IL33: variants seen among roughly 807,000 people sequenced by gnomAD.
The protein encoded by IL33 is interleukin-33.
In IL33, 37 loss-of-function variants were observed where a neutral mutation model predicts 27.3. The observed-to-expected ratio is 1.36, with a 90% CI of 1.04 to 1.78. The LOEUF is 1.78. IL33 is among the 40% of genes most tolerant of loss of function. IL33 has a pLI of 0.00. For synonymous variants in IL33, 132 were observed against 102.9 expected (o/e 1.28, Z -1.71); for missense variants, 406 against 311.4 (o/e 1.30, Z -2.29).
At chr9:6,221,377 G>A (rs1038905500) in intron 1 of IL33, among the ~76,000 whole-genome samples, 19 of 152,100 alleles carry the variant, frequency 1.2e-4, no homozygotes, top group South Asian at 4.1e-4. Context: ...GGAGGATACC[G>A]TGCCTAGGAC....
At chr9:6,219,259 G>C (rs888569936) in intron 1 of IL33, among the ~76,000 whole-genome samples, 1 of 151,916 alleles carries the variant, frequency 6.6e-6, no homozygotes, top group South Asian at 2.1e-4. Flanking sequence ...TAATCTCTTC[G>C]GTTTCCTGTA....
At chr9:6,225,843 C>G (rs972857907) in intron 1 of IL33, among the ~76,000 whole-genome samples, 2 of 152,114 alleles carry the variant, frequency 1.3e-5, no homozygotes, top group African/African-American at 2.4e-5. Flanking sequence ...CTACCTCATC[C>G]ACCTGAGTAA....
intron 1 of IL33, among the ~76,000 whole-genome samples, chr9:6,219,427 T>C (rs990842106): frequency 6.6e-6 from 1 of 152,150 alleles, no homozygotes; most frequent in South Asian, 2.1e-4. Context: ...TCCTGGCACA[T>C]GCTGCTCATG....
intron 1 of IL33, among the ~76,000 whole-genome samples, chr9:6,235,924 A>T (rs1819173568): frequency 6.6e-6 from 1 of 151,986 alleles, no homozygotes; most frequent in African/African-American, 2.4e-5. Context: ...GTACCCTCTG[A>T]TCCAGCAATT....
chr9:6,216,541 C>T (rs1217307595), intron 1 of IL33, among the ~76,000 whole-genome samples: 1 of 152,070 alleles, frequency 6.6e-6, no homozygotes, highest in Non-Finnish European at 1.5e-5. Flanking sequence ...TTGCAGCCAG[C>T]CTGGCCAAGA....
At chr9:6,232,235 T>G (rs1265247213) in intron 1 of IL33, among the ~76,000 whole-genome samples, 4 of 152,180 alleles carry the variant, frequency 2.6e-5, no homozygotes, top group Admixed American at 6.5e-5. Context: ...ACATAGTCCT[T>G]GGCATGCAAA....
chr9:6,224,511 T>C (rs964034624), intron 1 of IL33, among the ~76,000 whole-genome samples: 1 of 152,200 alleles, frequency 6.6e-6, no homozygotes, highest in African/African-American at 2.4e-5. Flanking sequence ...AGAACTATTC[T>C]TGTTAGCATT....
At chr9:6,229,497 G>A (rs538369731) in intron 1 of IL33, among the ~76,000 whole-genome samples, 6 of 152,304 alleles carry the variant, frequency 3.9e-5, no homozygotes, top group South Asian at 2.1e-4. Flanking sequence ...GAAGACGTGC[G>A]TTCTATTAGA....
chr9:6,256,165 T>G lies in IL33; in HGVS notation c.810T>G (p.Thr270=). The change falls in exon 8 of 8, where the codon ACT becomes ACG. Residue 270 remains threonine (T), a synonymous_variant. Coordinates refer to ENST00000682010, the MANE Select transcript of IL33 (RefSeq NM_033439.4). ...TENILFKLSE[T] is the part of the protein sequence containing the mutation. ...ATATCTTGTTTAAGCTCTCTGAAAC[T>G]TAGTTGATGGAAACCTGTGAGTCTT... 6.2e-7 allele frequency: 1 copy of G among 1,611,428 alleles called. No homozygotes were observed. Among genetic ancestry groups the G allele is most frequent in the Non-Finnish European group, 8.5e-7 (1 of 1,177,978 alleles).
At chr9:6,236,652 G>A (rs1378731336) in intron 1 of IL33, among the ~76,000 whole-genome samples, 1 of 152,198 alleles carries the variant, frequency 6.6e-6, no homozygotes, top group Non-Finnish European at 1.5e-5. Context: ...AGGATCACTT[G>A]CGGTCAGGAG....
At chr9:6,229,090 C>G (rs1423878737) in intron 1 of IL33, among the ~76,000 whole-genome samples, 3 of 151,862 alleles carry the variant, frequency 2.0e-5, no homozygotes, top group Non-Finnish European at 4.4e-5. Context: ...AGAAGGGGCC[C>G]TGGGAGAAGG....
At chr9:6,241,631 C>T (rs531846427) in intron 1 of IL33, 53 bp from the exon 2 acceptor site, 111 of 1,071,414 alleles carry the variant, frequency 1.0e-4, no homozygotes, top group Non-Finnish European at 1.4e-4. Flanking sequence ...CAGTTGTTTC[C>T]GTTTGTTTTT....
At position 6,256,491 on chromosome 9, in the gene IL33, C is replaced by A; in HGVS notation, c.*323C>A. On this transcript the variant is annotated 3_prime_UTR_variant, in exon 8 of 8. Coordinates refer to ENST00000682010, the MANE Select transcript of IL33 (RefSeq NM_033439.4). ...TCCAGAAAGAACTTCATATTTAGAG[C>A]TAAGGCCACTGAGGAAAGAGCCATA... 2.4e-6 allele frequency: 1 copy of A among 411,024 alleles called. No individual in the cohort carries two copies. The highest frequency in any genetic ancestry group is 4.3e-6 in the Non-Finnish European group (1 of 232,594). 25.5% of individuals were successfully genotyped at this position (411,024 alleles called of 1,614,324 possible). A position where few individuals can be genotyped will look rare whatever the true frequency, so the allele number is the denominator to read the frequency against.
intron 1 of IL33, among the ~76,000 whole-genome samples, chr9:6,240,085 T>G (rs1819443214): frequency 6.6e-6 from 1 of 152,198 alleles, no homozygotes; most frequent in African/African-American, 2.4e-5. Context: ...TCTCAGAACT[T>G]CAGTACCAGT....
At chr9:6,239,203 A>T (rs1185337133) in intron 1 of IL33, among the ~76,000 whole-genome samples, 1 of 152,138 alleles carries the variant, frequency 6.6e-6, no homozygotes, top group Non-Finnish European at 1.5e-5. Flanking sequence ...CAAATTTCAA[A>T]TTTCATATAC....
At chr9:6,225,369 G>C (rs1339847748) in intron 1 of IL33, among the ~76,000 whole-genome samples, 2 of 152,170 alleles carry the variant, frequency 1.3e-5, no homozygotes, top group African/African-American at 2.4e-5. Context: ...AATGGCAGCA[G>C]GATAGAGGGA....
At chr9:6,235,040 T>A (rs920224888) in intron 1 of IL33, among the ~76,000 whole-genome samples, 1 of 152,200 alleles carries the variant, frequency 6.6e-6, no homozygotes, top group African/African-American at 2.4e-5. Flanking sequence ...TTTTTCACTA[T>A]CTTTATTTTT....
intron 2 of IL33, among the ~76,000 whole-genome samples, chr9:6,248,769 C>T (rs915893393): frequency 8.6e-5 from 13 of 151,426 alleles, no homozygotes; most frequent in African/African-American, 2.2e-4. Flanking sequence ...TTTGTAGAGA[C>T]GGTCTTACTG....
chr9:6,228,062 A>G (rs567131261), intron 1 of IL33, among the ~76,000 whole-genome samples: 5 of 152,356 alleles, frequency 3.3e-5, no homozygotes, highest in South Asian at 2.1e-4. Flanking sequence ...TGCTACCCTA[A>G]CAAGATTGCT....
Sources: allele counts gnomAD v4.1 joint callset (sites outside exome capture counted in the v4.1 genomes callset), GRCh38; gene constraint gnomAD v4.1.1; transcripts MANE v1.5; gene names NCBI Gene and HGNC (gene_info 2026-07-23, HGNC 2026-07-21).